Variants in PADI2 observed in about 807,000 individuals in gnomAD.
PADI2 encodes the protein peptidyl arginine deiminase 2.
PADI2 carries 70 observed loss-of-function variants against 81.1 expected under a neutral mutation model. That is an observed-to-expected ratio of 0.86 (90% CI 0.71 to 1.05). The LOEUF is 1.05. Ranked by LOEUF, PADI2 falls within the 50% of genes least tolerant of loss-of-function variation. The pLI, the probability that PADI2 is intolerant of heterozygous loss-of-function variation, is 0.00. For missense variants in PADI2, 853 were observed against 889.9 expected, an observed-to-expected ratio of 0.96 and a Z score of 0.53; for synonymous variants, 338 against 358.0, an observed-to-expected ratio of 0.94 and a Z score of 0.63.
intron 1 of PADI2, among the ~76,000 whole-genome samples, chr1:17,113,747 A>G (rs1244778192): frequency 6.6e-6 from 1 of 152,196 alleles, no homozygotes; most frequent in African/African-American, 2.4e-5. Context: ...TGACAGAGAG[A>G]AGCAAGCCTG....
At chr1:17,090,322 G>C (rs1930641248) in intron 6 of PADI2, among the ~76,000 whole-genome samples, 1 of 152,220 alleles carries the variant, frequency 6.6e-6, no homozygotes, top group Admixed American at 6.5e-5. Context: ...TGCCACGTCA[G>C]AGATGAGCAC....
At chr1:17,107,333 G>C (rs1012338670) in intron 1 of PADI2, among the ~76,000 whole-genome samples, 1 of 152,194 alleles carries the variant, frequency 6.6e-6, no homozygotes, top group Non-Finnish European at 1.5e-5. Flanking sequence ...CCAGTCTCTG[G>C]AGAGGCTGGC....
intron 4 of PADI2, among the ~76,000 whole-genome samples, 200 bp downstream of exon 4, chr1:17,095,709 A>G (rs1930899197): frequency 6.6e-6 from 1 of 151,914 alleles, no homozygotes; most frequent in Non-Finnish European, 1.5e-5. Context: ...AGAAACTGAG[A>G]CTCAGGAGCC....
intron 4 of PADI2, among the ~76,000 whole-genome samples, chr1:17,094,056 T>G (rs1930812984): frequency 6.6e-6 from 1 of 152,158 alleles, no homozygotes; most frequent in Non-Finnish European, 1.5e-5. Flanking sequence ...CCTGGATGGA[T>G]GCCACCCAGC....
chr1:17,114,407 G>A (rs1245615329), intron 1 of PADI2, among the ~76,000 whole-genome samples: 1 of 152,164 alleles, frequency 6.6e-6, no homozygotes, highest in East Asian at 1.9e-4. Context: ...GCAGGCAGGG[G>A]CCTGGGCTCT....
At chr1:17,095,421 A>G (rs1930879554) in intron 4 of PADI2, among the ~76,000 whole-genome samples, 1 of 152,156 alleles carries the variant, frequency 6.6e-6, no homozygotes. Flanking sequence ...GAAAATAAGT[A>G]AATGAACGAG....
chr1:17,073,952 G>A (rs559079601), intron 13 of PADI2, among the ~76,000 whole-genome samples: 3 of 152,182 alleles, frequency 2.0e-5, no homozygotes, highest in East Asian at 3.8e-4. Flanking sequence ...TGACAACCAC[G>A]ATGTCTGACC....
At chr1:17,113,486 G>A (rs976808012) in intron 1 of PADI2, among the ~76,000 whole-genome samples, 2 of 152,194 alleles carry the variant, frequency 1.3e-5, no homozygotes, top group African/African-American at 4.8e-5. Flanking sequence ...GACAGTCATG[G>A]CCGAGTGTGA....
intron 1 of PADI2, among the ~76,000 whole-genome samples, chr1:17,118,842 C>A (rs1295188669): frequency 6.6e-6 from 1 of 152,152 alleles, no homozygotes; most frequent in East Asian, 1.9e-4. Flanking sequence ...CCCGGCAAGT[C>A]TCCGCGGAAG....
chr1:17,093,613 C>G lies in PADI2; in HGVS notation c.483G>C (p.Trp161Cys), dbSNP rs759130643. Residue 161 changes from tryptophan to cysteine, a missense_variant, in exon 5 of 16, where the codon TGG (tryptophan) becomes TGC (cysteine). Trp to Cys is a radical substitution (Grantham distance 215, BLOSUM62 -2). Transcript: ENST00000375486. ...CATCACGGCAGTCCTCCTTGGGCAA[C>G]CAGGGTGTCTCTCGGTCACAGTTCA... ...LLVNCDRETP[W>C]LPKEDCRDEK... The G allele has an allele frequency of 1.2e-6, 2 of 1,613,934 alleles. No homozygotes were observed. Among genetic ancestry groups the G allele is most frequent in the Non-Finnish European group, 1.7e-6 (2 of 1,179,946 alleles).
rs905842513 is a variant in PADI2, at chr1:17,104,010, C to T, written c.276+868G>A. The stretch of plus-strand genomic sequence containing the variant: ...TAAAAACAAACAAACAGGCCGGCCG[C>T]GGTGGCTCACGCCTGTAATCCCAGC... On this transcript the variant is annotated intron_variant, in intron 2 of 15. Coordinates refer to ENST00000375486, the MANE Select transcript of PADI2 (RefSeq NM_007365.3). 8.6e-5 allele frequency among the ~76,000 whole-genome samples: 13 copies of T among 151,002 alleles called. No homozygotes were observed. The South Asian group carries it at 1.3e-3, about 15-fold the overall frequency.
chr1:17,095,790 G>T, intron 4 of PADI2, 119 bp downstream of exon 4: 1 of 717,758 alleles, frequency 1.4e-6, no homozygotes, highest in Non-Finnish European at 2.4e-6. Context: ...CTGTGTGTCT[G>T]GGAGCCTGTC....
At chr1:17,075,390 T>G in intron 12 of PADI2, 1 of 393,382 alleles carries the variant, frequency 2.5e-6, no homozygotes, top group Non-Finnish European at 4.6e-6. Context: ...AATTTAGGTG[T>G]GTCATGTGAG....
chr1:17,103,908 C>T (rs778268367), intron 2 of PADI2, among the ~76,000 whole-genome samples: 1 of 151,700 alleles, frequency 6.6e-6, no homozygotes. Context: ...TGCTTGAACC[C>T]AGTAGCTTGA....
At chr1:17,116,968 C>T (rs1428108532) in intron 1 of PADI2, among the ~76,000 whole-genome samples, 3 of 152,186 alleles carry the variant, frequency 2.0e-5, no homozygotes, top group African/African-American at 7.2e-5. Context: ...TGTGATTTTG[C>T]CCCCTGCCAG....
At chr1:17,113,603 G>C (rs992204441) in intron 1 of PADI2, among the ~76,000 whole-genome samples, 1 of 152,222 alleles carries the variant, frequency 6.6e-6, no homozygotes, top group Non-Finnish European at 1.5e-5. Flanking sequence ...TGCCTGGTGT[G>C]GGGCAGAGGG....
At chr1:17,113,180 G>T (rs1931644874) in intron 1 of PADI2, among the ~76,000 whole-genome samples, 1 of 152,070 alleles carries the variant, frequency 6.6e-6, no homozygotes, top group African/African-American at 2.4e-5. Context: ...TGAGGAGAGG[G>T]ATCAGGTCTC....
intron 1 of PADI2, among the ~76,000 whole-genome samples, chr1:17,112,505 TG>T (rs1333835951): frequency 7.7e-6 from 1 of 130,210 alleles, no homozygotes; most frequent in Non-Finnish European, 1.7e-5. Context: ...ATCCTGCTCT[TG>T]GGGCTTTAGA....
intron 2 of PADI2, among the ~76,000 whole-genome samples, chr1:17,104,507 T>C (rs1174771098): frequency 7.6e-6 from 1 of 131,264 alleles, no homozygotes; most frequent in Non-Finnish European, 1.6e-5. Flanking sequence ...CGATCTCGGC[T>C]CACTGCAAGC....
Sources: allele counts gnomAD v4.1 joint callset (sites outside exome capture counted in the v4.1 genomes callset), GRCh38; gene constraint gnomAD v4.1.1; transcripts MANE v1.5; gene names NCBI Gene and HGNC (gene_info 2026-07-23, HGNC 2026-07-21).